The following PDE6B variants were observed in gnomAD, a reference collection of about 807,000 sequenced individuals.
PDE6B encodes phosphodiesterase 6B, also known as rod cGMP-specific 3',5'-cyclic phosphodiesterase subunit beta.
PDE6B carries 106 observed loss-of-function variants against 109.0 expected under a neutral mutation model. That is an observed-to-expected ratio of 0.97 (90% confidence interval 0.83 to 1.14). The LOEUF (loss-of-function observed/expected upper bound fraction) is 1.14. Among genes scored for constraint, PDE6B ranks in the 50% most tolerant of loss-of-function variants. The pLI is 0.00. For missense variants in PDE6B, 1,193 were observed against 1,155.6 expected, an observed-to-expected ratio of 1.03 and a Z score of -0.47; for synonymous variants, 490 against 471.3, an observed-to-expected ratio of 1.04 and a Z score of -0.51.
rs375116150 is a variant in PDE6B at position 635,891 on chromosome 4, G to T, written c.633G>T (p.Lys211Asn). Residue 211 changes from lysine (K) to asparagine (N), a missense_variant, in exon 3 of 22, where the codon AAG becomes AAT. Physicochemically the swap from Lys to Asn is moderately conservative, Grantham distance 94 (BLOSUM62 0). Coordinates refer to ENST00000496514, the MANE Select transcript of PDE6B (RefSeq NM_000283.4). The stretch of plus-strand genomic sequence containing the variant: ...AATTCCTGTTTCAGGTGTTCTTGAA[G>T]TACCTGAATTTTGCCACGTTGTACC... ...FTSEDEDVFL[K>N]YLNFATLYLK... is the part of the protein sequence containing the mutation. The T allele has an allele frequency of 1.3e-6, 2 of 1,559,292 alleles. No homozygotes were observed. Among genetic ancestry groups the T allele is most frequent in the African/African-American group, 2.7e-5 (2 of 73,766 alleles).
At position 625,645 on chromosome 4, in the gene PDE6B, C is replaced by A; in HGVS notation, c.19C>A (p.Gln7Lys). 6.2e-7 allele frequency: 1 copy of A among 1,613,214 alleles called. No individual in the cohort carries two copies. Among genetic ancestry groups the A allele is most frequent in the Non-Finnish European group, 8.5e-7 (1 of 1,179,258 alleles). MSLSEE[Q>K]ARSFLDQNPD... Reference sequence around the variant, plus strand: ...AGCCACCATGAGCCTCAGTGAGGAGCAGGCCCGGAGCTTTCTGGACCAGAA... The same window carrying A: ...AGCCACCATGAGCCTCAGTGAGGAGAAGGCCCGGAGCTTTCTGGACCAGAA... The change falls in exon 1 of 22, where the codon CAG becomes AAG. Residue 7 changes from glutamine to lysine, a missense_variant. Coordinates refer to ENST00000496514, the MANE Select transcript of PDE6B (RefSeq NM_000283.4). The surrounding 1 kb of genome is among the most constrained non-coding windows in gnomAD (Gnocchi z 5.0).
chr4:629,705 G>C (rs1300924542), intron 1 of PDE6B, among the ~76,000 whole-genome samples: 1 of 152,198 alleles, frequency 6.6e-6, no homozygotes, highest in Non-Finnish European at 1.5e-5. Flanking sequence ...TTGAGAACAC[G>C]GGCTGGGTGG....
rs754298498 is a variant in PDE6B, at chr4:662,590, C to T, written c.1804C>T (p.Arg602Cys). The change falls in exon 14 of 22, where the codon CGC becomes TGC. Residue 602 changes from arginine to cysteine, a missense_variant. Physicochemically the swap from Arg to Cys is radical, Grantham distance 180. Coordinates refer to ENST00000496514, the MANE Select transcript of PDE6B (RefSeq NM_000283.4). This position sits in a 1 kb window ranked among gnomAD's most constrained non-coding sequence, Gnocchi z 4.3. ...TAGLCHDIDH[R>C]GTNNLYQMKS... ...CGGCCTGTGCCATGACATCGACCAC[C>T]GCGGCACCAACAACCTGTACCAGAT... The T allele has an allele frequency of 9.9e-6, 16 of 1,611,484 alleles. No individual in the cohort carries two copies. The highest frequency in any genetic ancestry group is 1.3e-5 in the African/African-American group (1 of 74,896).
At chr4:653,442 T>G (rs980613316) in intron 3 of PDE6B, 4 of 768,030 alleles carry the variant, frequency 5.2e-6, no homozygotes, top group Non-Finnish European at 5.4e-6. Context: ...CTCAGACGCT[T>G]GGCGGAGGCC....
rs138615156 is a variant in PDE6B at position 634,767 on chromosome 4, G to A, written c.559G>A (p.Val187Met). The change falls in exon 2 of 22, where the codon GTG becomes ATG. Residue 187 changes from valine to methionine, a missense_variant. Val to Met is a conservative substitution (Grantham distance 21, BLOSUM62 1). Transcript: ENST00000496514. ...ACCCATCATGAATGGCAAAGACGTCGTGGCGGTGATCATGGCAGTGAACAA... is the reference window on the plus strand; with the variant it reads ...ACCCATCATGAATGGCAAAGACGTCATGGCGGTGATCATGGCAGTGAACAA... Reference protein sequence around the residue: ...ATPIMNGKDVVAVIMAVNKLN... With the variant: ...ATPIMNGKDVMAVIMAVNKLN... 19 of 1,613,824 alleles carry A rather than the reference G, an allele frequency of 1.2e-5. No individual in the cohort carries two copies. The highest frequency in any genetic ancestry group is 6.7e-5 in the Admixed American group (4 of 60,026).
chr4:641,031 T>C (rs1212612955), intron 3 of PDE6B, among the ~76,000 whole-genome samples: 1 of 152,240 alleles, frequency 6.6e-6, no homozygotes, highest in African/African-American at 2.4e-5. Context: ...TTGTTGCCTT[T>C]CCACATAAAC....
chr4:657,498 C>T lies in PDE6B; in HGVS notation c.1401+4C>T, dbSNP rs113246945. The T allele has an allele frequency of 9.7e-4, 1,401 of 1,446,012 alleles. 3 individuals are homozygous for T. Among genetic ancestry groups the T allele is most frequent in the Non-Finnish European group, 1.3e-3 (1,306 of 1,031,510 alleles). 89.6% of individuals were successfully genotyped at this position (1,446,012 alleles called of 1,614,324 possible). ...GGACGAGATCCAGCTCATCCTGGTG[C>T]GGCGGGGCAGGACGTCCAGGGGTCA... is the stretch of plus-strand genomic sequence containing the variant. On this transcript the variant is annotated splice_donor_region_variant and intron_variant, in intron 10 of 21. Transcript: ENST00000496514.
In PDE6B at chr4:663,003, A is replaced by C. The variant is rs1737291450; in HGVS notation, c.1833-97A>C. On this transcript the variant is annotated intron_variant, in intron 14 of 21. Coordinates refer to ENST00000496514, the MANE Select transcript of PDE6B (RefSeq NM_000283.4). The surrounding 1 kb of genome is among the most constrained non-coding windows in gnomAD (Gnocchi z 4.0). ...GGGTGACAGAGGCAGACCCTGTCTC[A>C]AAAAAAAGAAAGTGGGGCCCATCTG... 1 of 766,422 alleles carries C rather than the reference A, an allele frequency of 1.3e-6. No individual in the cohort carries two copies. Among genetic ancestry groups the C allele is most frequent in the Non-Finnish European group, 2.4e-6 (1 of 420,450 alleles). 47.5% of individuals were successfully genotyped at this position (766,422 alleles called of 1,614,324 possible).
Position 634,703 on chromosome 4 carries a change from C to G in PDE6B, c.495C>G (p.Asp165Glu). ...AECPHFSSFADELTDYKTKNM... is the reference protein window; with the variant it reads ...AECPHFSSFAEELTDYKTKNM... ...GCCCTCACTTCAGCTCATTTGCTGA[C>G]GAGCTCACTGACTACAAGACAAAGA... Residue 165 changes from aspartate (D) to glutamate (E), a missense_variant, in exon 2 of 22, where the codon GAC becomes GAG. Transcript: ENST00000496514. 1 of 1,612,010 alleles carries G rather than the reference C, an allele frequency of 6.2e-7. No homozygotes were observed. Among genetic ancestry groups the G allele is most frequent in the Non-Finnish European group, 8.5e-7 (1 of 1,178,042 alleles).
rs1421099336 is a variant in PDE6B at position 648,896 on chromosome 4, G to A, written c.712-4956G>A. On this transcript the variant is annotated intron_variant, in intron 3 of 21. Transcript: ENST00000496514. This position sits in a 1 kb window ranked among gnomAD's most constrained non-coding sequence, Gnocchi z 4.5. ...GTGCCCCGACTCAGGTCAGGCATGG[G>A]AGGAGCGGGGGAGCCTTCTGTCTCT... is the stretch of plus-strand genomic sequence containing the variant. Among the ~76,000 whole-genome samples the A allele has an allele frequency of 6.6e-6, 1 of 152,274 alleles. No homozygotes were observed. Among genetic ancestry groups the A allele is most frequent in the Non-Finnish European group, 1.5e-5 (1 of 68,048 alleles).
rs1734094641 is a variant in PDE6B, at chr4:626,198, T to A, written c.468+104T>A. ...ATCCTCAGGCCTCCAGGGAGGCCTC[T>A]TGTCAGGGCACAGGCTAGTTCTGTG... On this transcript the variant is annotated intron_variant, in intron 1 of 21. Coordinates refer to ENST00000496514, the MANE Select transcript of PDE6B (RefSeq NM_000283.4). This position sits in a 1 kb window ranked among gnomAD's most constrained non-coding sequence, Gnocchi z 4.6. 1 of 735,326 alleles carries A rather than the reference T, an allele frequency of 1.4e-6. No homozygotes were observed. The highest frequency in any genetic ancestry group is 1.7e-5 in the African/African-American group (1 of 57,440). 45.6% of individuals were successfully genotyped at this position (735,326 alleles called of 1,614,324 possible).
At chr4:631,170 T>C (rs1380776308) in intron 1 of PDE6B, among the ~76,000 whole-genome samples, 13 of 152,202 alleles carry the variant, frequency 8.5e-5, no homozygotes, top group Admixed American at 8.5e-4. Context: ...GGTGAGGTTC[T>C]TGGGTGGAGG....
At chr4:645,656 A>G (rs1302377786) in intron 3 of PDE6B, among the ~76,000 whole-genome samples, 1 of 151,898 alleles carries the variant, frequency 6.6e-6, no homozygotes, top group East Asian at 1.9e-4. Flanking sequence ...ATATTCTTAA[A>G]CATTTTCTCT....
rs367888199 is a variant in PDE6B, at chr4:665,001, C to T, written c.2193+57C>T. On this transcript the variant is annotated intron_variant, in intron 18 of 21. Transcript: ENST00000496514. The surrounding 1 kb of genome is among the most constrained non-coding windows in gnomAD (Gnocchi z 4.0). ...CAGTGCCTCTCAGCACATGGGACTG[C>T]CGGGCGGGCGGGAGCCTCGGATGGC... The T allele has an allele frequency of 6.1e-5, 86 of 1,399,526 alleles. No homozygotes were observed. In the African/African-American group the frequency reaches 1.1e-3, roughly 18 times the overall value. The allele number at this position is 1,399,526 out of a possible 1,614,324, so 86.7% of individuals were successfully genotyped here.
At chr4:641,243 A>G (rs1734929556) in intron 3 of PDE6B, among the ~76,000 whole-genome samples, 1 of 152,262 alleles carries the variant, frequency 6.6e-6, no homozygotes, top group Non-Finnish European at 1.5e-5. Flanking sequence ...ATACAAATCC[A>G]TAATTTTATT....
Position 670,097 on chromosome 4 carries a change from G to A in PDE6B, c.2555G>A (p.Cys852Tyr), listed in dbSNP as rs1738346169. Residue 852 changes from cysteine to tyrosine, a missense_variant, in exon 22 of 22, where the codon TGT (cysteine) becomes TAT (tyrosine). Physicochemically the swap from Cys to Tyr is radical, Grantham distance 194 (BLOSUM62 -2). Transcript: ENST00000496514. ...GGPAPKSSTC[C>Y]IL The stretch of plus-strand genomic sequence containing the variant: ...CCAGCACCCAAGTCTTCAACCTGCT[G>A]TATCCTGTGAGCACTGGTCCCATGG... 1.2e-6 allele frequency: 2 copies of A among 1,612,700 alleles called. No individual in the cohort carries two copies. The highest frequency in any genetic ancestry group is 1.7e-6 in the Non-Finnish European group (2 of 1,179,186).
In PDE6B at chr4:636,730, AGCCTGCTGAACGT is replaced by A. The variant is rs1284189263; in HGVS notation, c.711+763_711+775del. Among the ~76,000 whole-genome samples the A allele has an allele frequency of 1.3e-5, 2 of 152,168 alleles. No individual in the cohort carries two copies. The highest frequency in any genetic ancestry group is 2.9e-5 in the Non-Finnish European group (2 of 67,998). On this transcript the variant is annotated intron_variant, in intron 3 of 21. Transcript: ENST00000496514. This position sits in a 1 kb window ranked among gnomAD's most constrained non-coding sequence, Gnocchi z 4.5. ...TGCCTGGCCCTGGTCACCTGCTGCG[AGCCTGCTGAACGT>A]GGCGAGAGGCTGAGGTCTTTATCTC...
At chr4:669,585 C>T (rs1232149682) in intron 21 of PDE6B, among the ~76,000 whole-genome samples, 1 of 73,698 alleles carries the variant, frequency 1.4e-5, no homozygotes, top group Non-Finnish European at 2.7e-5. Flanking sequence ...ATGCTATTCC[C>T]GCTACCCCAT....
rs1460509127 is a variant in PDE6B, at chr4:663,548, T to G, written c.1921-222T>G. On this transcript the variant is annotated intron_variant, in intron 15 of 21. Coordinates refer to ENST00000496514, the MANE Select transcript of PDE6B (RefSeq NM_000283.4). The surrounding 1 kb of genome is among the most constrained non-coding windows in gnomAD (Gnocchi z 4.0). ...CTCCCTGCGCTCCCCGGTGGTGACC[T>G]CTGAGGCCATCTGCGTCCCAAGCCG... is the stretch of plus-strand genomic sequence containing the variant. Among the ~76,000 whole-genome samples the G allele has an allele frequency of 6.6e-6, 1 of 151,952 alleles. No individual in the cohort carries two copies. The highest frequency in any genetic ancestry group is 1.5e-5 in the Non-Finnish European group (1 of 67,948).
Sources: gnomAD v4.1 joint callset for allele counts (sites outside exome capture counted in the v4.1 genomes callset) on GRCh38, gnomAD v4.1.1 for gene constraint, Gnocchi (gnomAD v3.1) non-coding constraint, MANE v1.5 for transcripts, NCBI Gene and HGNC (gene_info 2026-07-23, HGNC 2026-07-21) for gene names.